Variants in ZNF710 observed in about 807,000 individuals in gnomAD.
ZNF710 encodes the protein zinc finger protein 710.
A neutral mutation model predicts 50.6 loss-of-function variants in ZNF710; 13 were observed. The observed-to-expected ratio is 0.26, with a 90% CI of 0.17 to 0.41. The LOEUF is 0.41. Among genes scored for constraint, ZNF710 ranks in the 10% least tolerant of loss-of-function variants. The pLI, the probability that ZNF710 is intolerant of heterozygous loss-of-function variation, is 1.00. For missense variants in ZNF710, 721 were observed against 936.6 expected (o/e 0.77, Z 3.01); for synonymous variants, 383 against 397.0 (o/e 0.96, Z 0.42).
intron 1 of ZNF710, among the ~76,000 whole-genome samples, chr15:90,002,211 C>T (rs1898031189): frequency 6.6e-6 from 1 of 151,248 alleles, no homozygotes; most frequent in Admixed American, 6.6e-5. Context: ...GGGGTTGTTG[C>T]GCGTCCCAGC....
In ZNF710 at chr15:90,059,695, A is replaced by T. The variant is rs1182571850; in HGVS notation, c.-28-7415A>T. Among the ~76,000 whole-genome samples the T allele has an allele frequency of 6.6e-6, 1 of 152,202 alleles. No individual in the cohort carries two copies. Among genetic ancestry groups the T allele is most frequent in the East Asian group, 1.9e-4 (1 of 5,180 alleles). ...TCCTGAGGCCTGTGGGCTGGGCAGA[A>T]GTGAGACTGTGGCAAGGGGCCCCGA... On this transcript the variant is annotated intron_variant, in intron 1 of 4. Coordinates refer to ENST00000268154, the MANE Select transcript of ZNF710 (RefSeq NM_198526.4). This position sits in a 1 kb window ranked among gnomAD's most constrained non-coding sequence, Gnocchi z 4.1.
chr15:90,043,760 C>G (rs1465708181), intron 1 of ZNF710, among the ~76,000 whole-genome samples: 2 of 152,196 alleles, frequency 1.3e-5, no homozygotes, highest in East Asian at 3.9e-4. Flanking sequence ...TTCTTTCTTT[C>G]AAAGCTTCTG....
At chr15:90,050,586 C>T (rs549152599) in intron 1 of ZNF710, among the ~76,000 whole-genome samples, 1 of 152,174 alleles carries the variant, frequency 6.6e-6, no homozygotes, top group South Asian at 2.1e-4. Context: ...GTTAAACCCC[C>T]TAACAACTCC....
At chr15:90,043,114 A>AC (rs1353332867) in intron 1 of ZNF710, among the ~76,000 whole-genome samples, 1 of 152,118 alleles carries the variant, frequency 6.6e-6, no homozygotes, top group African/African-American at 2.4e-5. Context: ...CCCACACCCC[A>AC]CCGGGGACCG....
At chr15:90,030,306 G>A (rs1459520601) in intron 1 of ZNF710, among the ~76,000 whole-genome samples, 1 of 91,490 alleles carries the variant, frequency 1.1e-5, no homozygotes, top group Non-Finnish European at 2.0e-5. Context: ...TCCGGCCTGG[G>A]CAACAAGAGC....
chr15:90,073,330 C>T, intron 3 of ZNF710, 68 bp downstream of exon 3: 1 of 1,541,164 alleles, frequency 6.5e-7, no homozygotes, highest in South Asian at 1.2e-5. Context: ...ATGCCTGCAG[C>T]AGCTGTGGCC....
At chr15:90,074,954 A>G (rs1458002465) in intron 4 of ZNF710, 1 of 183,584 alleles carries the variant, frequency 5.4e-6, no homozygotes, top group Non-Finnish European at 1.1e-5. Context: ...AAAGGGCCAG[A>G]CAGCCCTGAC....
intron 1 of ZNF710, among the ~76,000 whole-genome samples, chr15:90,048,467 A>G (rs1876292): frequency 0.27 from 41,352 of 152,124 alleles, 6,721 homozygotes; most frequent in East Asian, 0.72. Context: ...GGCTGTGCAC[A>G]TGTGAGTGCG....
Position 90,067,340 on chromosome 15 carries a change from A to C in ZNF710, c.203A>C (p.Gln68Pro). The change falls in exon 2 of 5, where the codon CAG becomes CCG. Residue 68 changes from glutamine (Q) to proline (P), a missense_variant. Coordinates refer to ENST00000268154, the MANE Select transcript of ZNF710 (RefSeq NM_198526.4). The surrounding 1 kb of genome is among the most constrained non-coding windows in gnomAD (Gnocchi z 8.1). ...EPEPPGPDVYQLACNGRALEE... is the reference protein window; with the variant it reads ...EPEPPGPDVYPLACNGRALEE... ...GAGCCACCAGGCCCCGACGTCTACC[A>C]GCTGGCCTGCAACGGGAGGGCCTTG... is the stretch of plus-strand genomic sequence containing the variant. 1.2e-5 allele frequency: 20 copies of C among 1,602,230 alleles called. No individual in the cohort carries two copies. Among genetic ancestry groups the C allele is most frequent in the Non-Finnish European group, 1.7e-5 (20 of 1,174,338 alleles).
rs191537878 is a variant in ZNF710, at chr15:90,013,404, G to A, written c.-29+11790G>A. Among the ~76,000 whole-genome samples, 676 of 152,274 alleles carry A rather than the reference G, an allele frequency of 4.4e-3. 9 individuals are homozygous for A. Among genetic ancestry groups the A allele is most frequent in the African/African-American group, 0.016 (650 of 41,554 alleles). On this transcript the variant is annotated intron_variant, in intron 1 of 4. Coordinates refer to ENST00000268154, the MANE Select transcript of ZNF710 (RefSeq NM_198526.4). ...AGGTGTGACCACTGTGCCTGGCCAGGTGTTGTGTGATTTTTGATTGCAAGC... is the reference window on the plus strand; with the variant it reads ...AGGTGTGACCACTGTGCCTGGCCAGATGTTGTGTGATTTTTGATTGCAAGC...
intron 1 of ZNF710, among the ~76,000 whole-genome samples, chr15:90,053,829 G>C (rs117989426): frequency 2.6e-5 from 4 of 152,138 alleles, no homozygotes; most frequent in Admixed American, 2.6e-4. Context: ...CTTCCCACCC[G>C]TGTGTTTTCC....
chr15:90,003,752 C>T (rs916323944), intron 1 of ZNF710, among the ~76,000 whole-genome samples: 2 of 152,090 alleles, frequency 1.3e-5, no homozygotes, highest in African/African-American at 4.8e-5. Context: ...TATTAGCTGA[C>T]CCTCAGGCCA....
In ZNF710 at chr15:90,039,276, C is replaced by CAA. The variant is rs765692817; in HGVS notation, c.-28-27820_-28-27819dup. On this transcript the variant is annotated intron_variant, in intron 1 of 4. Transcript: ENST00000268154. The stretch of plus-strand genomic sequence containing the variant: ...CCTGGATGGCAGAGCGAGACTGTCT[C>CAA]AAAAAAAAAAAAAAAGTGCTTCTGA... Among the ~76,000 whole-genome samples the CAA allele has an allele frequency of 2.7e-3, 338 of 127,350 alleles. 2 individuals carry two copies. The highest frequency in any genetic ancestry group is 9.0e-3 in the African/African-American group (318 of 35,326). 83.5% of individuals were successfully genotyped at this position (127,350 alleles called of 152,430 possible).
intron 1 of ZNF710, among the ~76,000 whole-genome samples, chr15:90,005,883 ATCC>A (rs762089059): frequency 3.9e-5 from 6 of 152,120 alleles, no homozygotes; most frequent in Admixed American, 2.0e-4. Flanking sequence ...TTGCATTCTT[ATCC>A]TCATTTGGCA....
intron 1 of ZNF710, among the ~76,000 whole-genome samples, chr15:90,029,329 T>G (rs528634353): frequency 1.0e-3 from 153 of 152,320 alleles, no homozygotes; most frequent in Middle Eastern, 3.4e-3. Flanking sequence ...GCTCTCCTGG[T>G]CCAACCTAAA....
upstream of ZNF710, among the ~76,000 whole-genome samples, chr15:90,000,307 A>G (rs1897981105): frequency 6.6e-6 from 1 of 152,150 alleles, no homozygotes; most frequent in African/African-American, 2.4e-5. Context: ...CAGTCGAGAA[A>G]CGGCTCGGAG....
Position 90,067,525 on chromosome 15 carries a change from G to T in ZNF710, c.388G>T (p.Asp130Tyr). 2 of 1,613,354 alleles carry T rather than the reference G, an allele frequency of 1.2e-6. No individual in the cohort carries two copies. Among genetic ancestry groups the T allele is most frequent in the Non-Finnish European group, 1.7e-6 (2 of 1,179,630 alleles). ...CTATGAGGTTTCTGTGCCAGGTGAC[G>T]ACAAGGACGCAGGGCCAGCAGAAGC... ...EVYEVSVPGDDKDAGPAEAPA... is the reference protein window; with the variant it reads ...EVYEVSVPGDYKDAGPAEAPA... The change falls in exon 2 of 5, where the codon GAC (aspartate) becomes TAC (tyrosine). Residue 130 changes from aspartate (D) to tyrosine (Y), a missense_variant. This residue lies in a region of ZNF710 where 326 missense variants were observed against 347.1 expected (regional missense o/e 0.94). Transcript: ENST00000268154. The surrounding 1 kb of genome is among the most constrained non-coding windows in gnomAD (Gnocchi z 8.1).
At chr15:90,079,595 G>C (rs1337607046) in intron 4 of ZNF710, 65 bp from the exon 5 acceptor site, 14 of 1,583,842 alleles carry the variant, frequency 8.8e-6, no homozygotes, top group Non-Finnish European at 1.2e-5. Flanking sequence ...TCAGCTTCCT[G>C]CGTGGGGGTG....
chr15:90,053,548 C>T (rs1187764430), intron 1 of ZNF710, among the ~76,000 whole-genome samples: 4 of 152,036 alleles, frequency 2.6e-5, no homozygotes, highest in African/African-American at 9.7e-5. Flanking sequence ...CAATGTTGCC[C>T]AGGGTGGTCT....
Sources: gnomAD v4.1 joint callset for allele counts (sites outside exome capture counted in the v4.1 genomes callset) on GRCh38, gnomAD v4.1.1 for gene constraint, gnomAD v4.1.1 regional missense constraint, Gnocchi (gnomAD v3.1) non-coding constraint, MANE v1.5 for transcripts, NCBI Gene and HGNC (gene_info 2026-07-23, HGNC 2026-07-21) for gene names.